SLX4IP: variants seen among roughly 807,000 people sequenced by gnomAD.
SLX4IP encodes the protein protein SLX4IP.
A neutral mutation model predicts 32.9 loss-of-function variants in SLX4IP; 34 were observed. The observed-to-expected ratio is 1.03, with a 90% CI of 0.79 to 1.38. SLX4IP has a LOEUF of 1.38. SLX4IP is among the 40% of genes most tolerant of loss of function. The pLI, the probability that SLX4IP is intolerant of heterozygous loss-of-function variation, is 0.00. For missense variants in SLX4IP, 444 were observed against 479.0 expected (o/e 0.93, Z 0.68); for synonymous variants, 172 against 171.7 (o/e 1.00, Z -0.01).
chr20:10,570,634 T>G (rs2066452182), intron 4 of SLX4IP, among the ~76,000 whole-genome samples: 1 of 152,006 alleles, frequency 6.6e-6, no homozygotes, highest in Non-Finnish European at 1.5e-5. Context: ...GTTCAAGTGA[T>G]TCTCCTGCCT....
intron 1 of SLX4IP, among the ~76,000 whole-genome samples, chr20:10,443,892 G>GTGCC (rs2065178941): frequency 1.3e-5 from 2 of 152,156 alleles, no homozygotes; most frequent in Admixed American, 6.5e-5. Flanking sequence ...CATGTAGGAT[G>GTGCC]TGCCTGCCTC....
chr20:10,551,678 G>C (rs1203584424), intron 2 of SLX4IP, among the ~76,000 whole-genome samples: 1 of 152,160 alleles, frequency 6.6e-6, no homozygotes, highest in Non-Finnish European at 1.5e-5. Flanking sequence ...GTCCAGAGCA[G>C]GGAAAGAGAA....
At chr20:10,539,141 G>A (rs962523826) in intron 2 of SLX4IP, among the ~76,000 whole-genome samples, 1 of 152,140 alleles carries the variant, frequency 6.6e-6, no homozygotes, top group African/African-American at 2.4e-5. Context: ...TCACATTAAG[G>A]CAGAGGTGAT....
intron 4 of SLX4IP, among the ~76,000 whole-genome samples, chr20:10,592,111 CAG>C (rs2066715513): frequency 6.6e-6 from 1 of 152,154 alleles, no homozygotes; most frequent in South Asian, 2.1e-4. Flanking sequence ...TATTGTGACT[CAG>C]AGTCTAGTAC....
intron 4 of SLX4IP, among the ~76,000 whole-genome samples, chr20:10,581,888 C>T (rs2066590850): frequency 6.6e-6 from 1 of 152,148 alleles, no homozygotes; most frequent in Admixed American, 6.5e-5. Context: ...CGCCACTGTC[C>T]ACCATCAAAG....
At chr20:10,482,907 T>G (rs2065536925) in intron 2 of SLX4IP, among the ~76,000 whole-genome samples, 1 of 152,138 alleles carries the variant, frequency 6.6e-6, no homozygotes, top group Non-Finnish European at 1.5e-5. Context: ...CCATATCTGT[T>G]TAGTGTGCAT....
chr20:10,455,180 A>ATT (rs2122338143), intron 1 of SLX4IP, among the ~76,000 whole-genome samples: 1 of 152,150 alleles, frequency 6.6e-6, no homozygotes, highest in Non-Finnish European at 1.5e-5. Context: ...TATTCTGTGT[A>ATT]TTATCTTTTT....
intron 4 of SLX4IP, among the ~76,000 whole-genome samples, chr20:10,587,387 A>T (rs1355601270): frequency 6.6e-6 from 1 of 152,158 alleles, no homozygotes; most frequent in Non-Finnish European, 1.5e-5. Context: ...GTGAAACATT[A>T]ACAGTGTTAG....
intron 2 of SLX4IP, among the ~76,000 whole-genome samples, chr20:10,553,652 C>T (rs138069114): frequency 0.016 from 2,363 of 152,242 alleles, 57 homozygotes; most frequent in African/African-American, 0.052. Flanking sequence ...TATTACAACC[C>T]ACAATAAGAA....
chr20:10,585,049 T>A (rs1304939180), intron 4 of SLX4IP, among the ~76,000 whole-genome samples: 2 of 152,112 alleles, frequency 1.3e-5, no homozygotes, highest in Non-Finnish European at 2.9e-5. Flanking sequence ...AAAACAGAAG[T>A]GTGACATGAA....
At chr20:10,602,285 CCT>C (rs141021766) in intron 6 of SLX4IP, among the ~76,000 whole-genome samples, 5,816 of 145,688 alleles carry the variant, frequency 0.04, 136 homozygotes, top group Admixed American at 0.097. Flanking sequence ...TCATTTTCTC[CCT>C]CTCTCTCTCT....
At chr20:10,457,366 T>G (rs1003101817) in intron 1 of SLX4IP, among the ~76,000 whole-genome samples, 7 of 152,010 alleles carry the variant, frequency 4.6e-5, no homozygotes, top group African/African-American at 1.7e-4. Context: ...CCTAAATGTC[T>G]TTTATCAGGT....
Position 10,597,852 on chromosome 20 carries a change from T to C in SLX4IP, c.239-823T>C, listed in dbSNP as rs183513918. Among the ~76,000 whole-genome samples, 174 of 152,340 alleles carry C rather than the reference T, an allele frequency of 1.1e-3. 1 individual carries two copies. The highest frequency in any genetic ancestry group is 3.5e-3 in the African/African-American group (145 of 41,580). ...AGTTGTCCTGCATTCTTGCCAACAC[T>C]TTATGCTCTGTCTCTTTCACTTAGG... On this transcript the variant is annotated intron_variant, in intron 4 of 7. Coordinates refer to ENST00000334534, the MANE Select transcript of SLX4IP (RefSeq NM_001009608.3).
chr20:10,435,510 T>C (rs2065102605), intron 1 of SLX4IP, 57 bp downstream of exon 1: 1 of 152,280 alleles, frequency 6.6e-6, no homozygotes. Flanking sequence ...CTGAACTGTT[T>C]GCCCATCTCC....
chr20:10,569,168 G>A (rs867470074), intron 4 of SLX4IP, among the ~76,000 whole-genome samples: 13 of 149,128 alleles, frequency 8.7e-5, no homozygotes, highest in South Asian at 6.5e-4. Flanking sequence ...CTGTGCACCA[G>A]ATCTAGATTT....
In SLX4IP at chr20:10,468,212, G is replaced by A. The variant is rs150237292; in HGVS notation, c.27+9981G>A. On this transcript the variant is annotated intron_variant, in intron 2 of 7. Coordinates refer to ENST00000334534, the MANE Select transcript of SLX4IP (RefSeq NM_001009608.3). ...TTCATTCTTTAGTCACTTACTAAAC[G>A]CATTCCTGCTCTGCAGAGCATCTTG... 2.8e-3 allele frequency among the ~76,000 whole-genome samples: 432 copies of A among 152,164 alleles called. 1 individual carries two copies. Among genetic ancestry groups the A allele is most frequent in the Non-Finnish European group, 5.2e-3 (352 of 68,006 alleles).
intron 2 of SLX4IP, among the ~76,000 whole-genome samples, chr20:10,479,099 A>G (rs2065498751): frequency 6.6e-6 from 1 of 152,170 alleles, no homozygotes; most frequent in African/African-American, 2.4e-5. Flanking sequence ...AGTTAGGGAG[A>G]CCTTGAGAAG....
intron 1 of SLX4IP, among the ~76,000 whole-genome samples, chr20:10,437,978 G>A (rs962648216): frequency 2.0e-5 from 3 of 152,142 alleles, no homozygotes; most frequent in African/African-American, 7.2e-5. Context: ...TGATGTGAAC[G>A]TTAGATAAAT....
chr20:10,622,890 C>A lies in SLX4IP; in HGVS notation c.738C>A (p.Thr246=). The A allele has an allele frequency of 6.2e-7, 1 of 1,614,012 alleles. No individual in the cohort carries two copies. Among genetic ancestry groups the A allele is most frequent in the Non-Finnish European group, 8.5e-7 (1 of 1,180,002 alleles). ...AAAAGCTGGAAAAAGTTAATCAGAC[C>A]CAGCCAGAAGACACTAGTGGCCAGC... ...PVQKLEKVNQ[T]QPEDTSGQQK... is the part of the protein sequence containing the mutation. The change falls in exon 8 of 8, where the codon ACC becomes ACA. Residue 246 remains threonine (T), a synonymous_variant. Transcript: ENST00000334534.
Sources: allele counts gnomAD v4.1 joint callset (sites outside exome capture counted in the v4.1 genomes callset), GRCh38; gene constraint gnomAD v4.1.1; transcripts MANE v1.5; gene names NCBI Gene and HGNC (gene_info 2026-07-23, HGNC 2026-07-21).